ZNF385B: variants seen among roughly 807,000 people sequenced by gnomAD.
The protein encoded by ZNF385B is zinc finger protein 385B.
In ZNF385B, 23 loss-of-function variants were observed where a neutral mutation model predicts 39.2. That is an observed-to-expected ratio of 0.59 (90% CI 0.42 to 0.83). ZNF385B has a LOEUF of 0.83. Among genes scored for constraint, ZNF385B ranks in the 40% least tolerant of loss-of-function variants. The pLI is 0.00. For missense variants in ZNF385B, 552 were observed against 598.9 expected (o/e 0.92, Z 0.82); for synonymous variants, 205 against 222.6 (o/e 0.92, Z 0.70).
chr2:179,853,436 C>T (rs189179477), intron 1 of ZNF385B, among the ~76,000 whole-genome samples: 1 of 152,328 alleles, frequency 6.6e-6, no homozygotes, highest in East Asian at 1.9e-4. Flanking sequence ...CCAAGTGTAC[C>T]TGTGCTTCAC....
chr2:179,576,746 C>T lies in ZNF385B; in HGVS notation c.299-31777G>A, dbSNP rs1017945957. On this transcript the variant is annotated intron_variant, in intron 3 of 9. Coordinates refer to ENST00000410066, the MANE Select transcript of ZNF385B (RefSeq NM_152520.6). Reference sequence around the variant, plus strand: ...AGAGAAAACTGGTGGCAAGAGATACCGATAATACAGAGATGTAATTCAGGG... The same window carrying T: ...AGAGAAAACTGGTGGCAAGAGATACTGATAATACAGAGATGTAATTCAGGG... Among the ~76,000 whole-genome samples the T allele has an allele frequency of 2.6e-5, 4 of 151,914 alleles. No individual in the cohort carries two copies. The South Asian group carries it at 6.2e-4, about 24-fold the overall frequency.
At chr2:179,601,119 C>T (rs1279519662) in intron 3 of ZNF385B, among the ~76,000 whole-genome samples, 1 of 152,074 alleles carries the variant, frequency 6.6e-6, no homozygotes. Context: ...ATATAAAAGA[C>T]AAAAATGCAT....
intron 6 of ZNF385B, among the ~76,000 whole-genome samples, chr2:179,465,401 TC>T (rs1343524766): frequency 6.6e-6 from 1 of 152,192 alleles, no homozygotes; most frequent in African/African-American, 2.4e-5. Flanking sequence ...AAGACCCTTT[TC>T]CACCAATACT....
intron 1 of ZNF385B, among the ~76,000 whole-genome samples, chr2:179,808,908 TCCTAA>T (rs1192391193): frequency 6.6e-6 from 1 of 152,226 alleles, no homozygotes; most frequent in East Asian, 1.9e-4. Context: ...AATGTGTTCC[TCCTAA>T]CCTGGAAAAA....
chr2:179,608,576 A>C (rs1689018320), intron 3 of ZNF385B, among the ~76,000 whole-genome samples: 1 of 152,126 alleles, frequency 6.6e-6, no homozygotes, highest in Admixed American at 6.6e-5. Flanking sequence ...GTGCTTCTAA[A>C]TAAAATCAGA....
At chr2:179,570,145 T>C (rs1191834860) in intron 3 of ZNF385B, among the ~76,000 whole-genome samples, 4 of 152,098 alleles carry the variant, frequency 2.6e-5, no homozygotes, top group Non-Finnish European at 5.9e-5. Context: ...TTTTGAATCA[T>C]ATCCAGCCAA....
intron 3 of ZNF385B, among the ~76,000 whole-genome samples, chr2:179,689,783 A>ATGTGTGTGTGTGTGTGTG (rs112957152): frequency 7.7e-6 from 1 of 130,014 alleles, no homozygotes; most frequent in Non-Finnish European, 1.6e-5. Flanking sequence ...GGGCAGGGGC[A>ATGTGTGTGTGTGTGTGTG]TGTGTGTGTG....
In ZNF385B at chr2:179,755,176, C is replaced by A. The variant is rs564673923; in HGVS notation, c.298+14327G>T. The stretch of plus-strand genomic sequence containing the variant: ...CAAAGAACATCTTTATTTCTGCCTT[C>A]ATTTCATTATGTACCCAGTAGTCAT... On this transcript the variant is annotated intron_variant, in intron 3 of 9. Transcript: ENST00000410066. Among the ~76,000 whole-genome samples the A allele has an allele frequency of 6.3e-4, 96 of 152,316 alleles. 2 individuals carry two copies. The South Asian group carries it at 0.019, about 31-fold the overall frequency.
intron 3 of ZNF385B, among the ~76,000 whole-genome samples, chr2:179,663,713 C>CAAAAAAAAAAAAAAAA (rs71401756): frequency 1.5e-5 from 1 of 67,736 alleles, no homozygotes; most frequent in African/African-American, 6.8e-5. Context: ...GACTCCGTCT[C>CAAAAAAAAAAAAAAAA]AAAAAAAAAA....
chr2:179,451,407 A>G (rs1334395869), intron 6 of ZNF385B, among the ~76,000 whole-genome samples: 2 of 152,024 alleles, frequency 1.3e-5, no homozygotes, highest in Non-Finnish European at 2.9e-5. Context: ...AACAAGTGTA[A>G]TGGGAGATAT....
At chr2:179,493,729 A>ATGTATACATATATGTATATG (rs2055709564) in intron 5 of ZNF385B, among the ~76,000 whole-genome samples, 1 of 97,492 alleles carries the variant, frequency 1.0e-5, no homozygotes, top group South Asian at 3.0e-4. Flanking sequence ...ATACGTATAT[A>ATGTATACATATATGTATATG]CATATATGTA....
intron 5 of ZNF385B, among the ~76,000 whole-genome samples, chr2:179,511,162 C>CTGG (rs2057652717): frequency 6.6e-6 from 1 of 152,100 alleles, no homozygotes; most frequent in Admixed American, 6.5e-5. Context: ...GGAGTTAGGT[C>CTGG]TGGTGGCAAA....
intron 6 of ZNF385B, among the ~76,000 whole-genome samples, chr2:179,453,248 C>T (rs936299136): frequency 3.3e-5 from 5 of 152,074 alleles, no homozygotes; most frequent in South Asian, 2.1e-4. Flanking sequence ...GGATACCGAA[C>T]GAGACTTCTG....
chr2:179,506,549 T>A (rs1309520392), intron 5 of ZNF385B, among the ~76,000 whole-genome samples: 2 of 152,170 alleles, frequency 1.3e-5, no homozygotes, highest in Admixed American at 1.3e-4. Flanking sequence ...TAAAATTCAC[T>A]TATTTGTTAC....
chr2:179,814,615 C>T (rs1162768203), intron 1 of ZNF385B: 2 of 565,148 alleles, frequency 3.5e-6, no homozygotes, highest in Non-Finnish European at 3.2e-6. Flanking sequence ...GACTGTAGGG[C>T]CCTCAATGGT....
intron 4 of ZNF385B, chr2:179,523,057 G>A (rs72954339): frequency 0.058 from 14,517 of 252,188 alleles, 547 homozygotes; most frequent in Middle Eastern, 0.11. Context: ...GGCAGCAAAA[G>A]TTAACACTTG....
chr2:179,593,229 A>G (rs941047375), intron 3 of ZNF385B, among the ~76,000 whole-genome samples: 1 of 150,168 alleles, frequency 6.7e-6, no homozygotes, highest in Non-Finnish European at 1.5e-5. Flanking sequence ...ATTGTAAATG[A>G]AAAAAATATT....
intron 1 of ZNF385B, among the ~76,000 whole-genome samples, chr2:179,785,592 T>A (rs1355109302): frequency 6.6e-6 from 1 of 152,056 alleles, no homozygotes; most frequent in Non-Finnish European, 1.5e-5. Flanking sequence ...CATGGATAAC[T>A]TTGAGGGGTT....
At chr2:179,567,558 C>T (rs1684738847) in intron 3 of ZNF385B, among the ~76,000 whole-genome samples, 1 of 152,174 alleles carries the variant, frequency 6.6e-6, no homozygotes, top group African/African-American at 2.4e-5. Flanking sequence ...CAGATCATAA[C>T]ATCCACAGGG....
Sources: gnomAD v4.1 joint callset for allele counts (sites outside exome capture counted in the v4.1 genomes callset) on GRCh38, gnomAD v4.1.1 for gene constraint, MANE v1.5 for transcripts, NCBI Gene and HGNC (gene_info 2026-07-23, HGNC 2026-07-21) for gene names.